The following ZBTB43 variants were observed in gnomAD, a reference collection of about 807,000 sequenced individuals.
ZBTB43 encodes zinc finger and BTB domain containing 43, also known as zinc finger and BTB domain-containing protein 43.
A neutral mutation model predicts 31.1 loss-of-function variants in ZBTB43; 6 were observed. That is an observed-to-expected ratio of 0.19 (90% CI 0.11 to 0.38). The LOEUF is 0.38. ZBTB43 is among the 10% of genes least tolerant of loss of function. ZBTB43 has a pLI of 1.00. For synonymous variants in ZBTB43, 212 were observed against 221.7 expected (o/e 0.96, Z 0.39); for missense variants, 379 against 602.1 (o/e 0.63, Z 3.88).
chr9:126,813,975 TATC>T (rs2032305680), intron 2 of ZBTB43, among the ~76,000 whole-genome samples: 1 of 152,196 alleles, frequency 6.6e-6, no homozygotes, highest in South Asian at 2.1e-4. Flanking sequence ...CCACGTATAT[TATC>T]ATTTTTGTAA....
At position 126,832,983 on chromosome 9, in the gene ZBTB43, C is replaced by T. The variant is rs139882729; in HGVS notation, c.474C>T (p.Gly158=). Residue 158 remains glycine (G), a synonymous_variant, in exon 3 of 3, where the codon GGC becomes GGT. Coordinates refer to ENST00000373464, the MANE Select transcript of ZBTB43 (RefSeq NM_014007.4). ...GCCTGGTAGAGAGCTTTGAGCTGGG[C>T]TCTGGGGGTCATACTGATTTTCCCA... ...YNGLVESFEL[G]SGGHTDFPKA... is the part of the protein sequence containing the mutation. 4.6e-4 allele frequency: 748 copies of T among 1,613,766 alleles called. No individual in the cohort carries two copies. The highest frequency in any genetic ancestry group is 1.5e-3 in the Admixed American group (87 of 59,998).
rs938912291 is a variant in ZBTB43 at position 126,836,256 on chromosome 9, T to G, written c.*2343T>G. The G allele has an allele frequency of 6.0e-6, 1 of 166,958 alleles. No homozygotes were observed. The highest frequency in any genetic ancestry group is 6.6e-5 in the Admixed American group (1 of 15,262). The allele number at this position is 166,958 out of a possible 1,614,324, so 10.3% of individuals were successfully genotyped here. The stretch of plus-strand genomic sequence containing the variant: ...AGCCAAGAGTGGTGGCACGCTTGGG[T>G]GGTAGTTTTGGAAGCAGTCAGTTGT... On this transcript the variant is annotated 3_prime_UTR_variant, in exon 3 of 3. Coordinates refer to ENST00000373464, the MANE Select transcript of ZBTB43 (RefSeq NM_014007.4).
At chr9:126,810,533 G>A (rs868436001) in intron 2 of ZBTB43, among the ~76,000 whole-genome samples, 117 of 116,876 alleles carry the variant, frequency 1.0e-3, no homozygotes, top group African/African-American at 3.5e-3. Context: ...ATGGGGTCTC[G>A]CTCTGTCACA....
At chr9:126,821,347 G>C (rs916679533) in intron 2 of ZBTB43, among the ~76,000 whole-genome samples, 4 of 152,044 alleles carry the variant, frequency 2.6e-5, no homozygotes, top group Non-Finnish European at 5.9e-5. Context: ...CTGCACTCCA[G>C]CCTGGGCAAC....
chr9:126,815,878 A>G (rs906644750), intron 2 of ZBTB43, among the ~76,000 whole-genome samples: 7 of 151,698 alleles, frequency 4.6e-5, no homozygotes, highest in Non-Finnish European at 7.4e-5. Flanking sequence ...TTGATGTCAG[A>G]TATGAGTTTT....
intron 2 of ZBTB43, among the ~76,000 whole-genome samples, chr9:126,829,592 A>G (rs2032723054): frequency 6.6e-6 from 1 of 152,232 alleles, no homozygotes; most frequent in South Asian, 2.1e-4. Context: ...AAGGATGTAT[A>G]TGATTTATTC....
chr9:126,829,709 C>T (rs1316318672), intron 2 of ZBTB43, among the ~76,000 whole-genome samples: 1 of 151,296 alleles, frequency 6.6e-6, no homozygotes, highest in Non-Finnish European at 1.5e-5. Flanking sequence ...TTTTTTTACA[C>T]CTTTCTATAA....
intron 2 of ZBTB43, chr9:126,831,309 C>G (rs917750035): frequency 6.6e-6 from 1 of 152,270 alleles, no homozygotes; most frequent in African/African-American, 2.4e-5. Context: ...CTCACCACAA[C>G]CTGTCAAATA....
At chr9:126,813,050 G>A (rs1259352352) in intron 2 of ZBTB43, among the ~76,000 whole-genome samples, 1 of 150,604 alleles carries the variant, frequency 6.6e-6, no homozygotes, top group African/African-American at 2.5e-5. Flanking sequence ...GCATGATCTC[G>A]GCTCACTGCA....
intron 2 of ZBTB43, among the ~76,000 whole-genome samples, chr9:126,820,574 A>T (rs957869539): frequency 6.6e-6 from 1 of 152,244 alleles, no homozygotes. Context: ...ATGGAGATGT[A>T]CAAGGACATT....
In ZBTB43 at chr9:126,836,337, G is replaced by A. The variant is rs1384073795; in HGVS notation, c.*2424G>A. ...AAGAGTGTCTTCTTGAAAGCCTTAT[G>A]TGTCCATCAGCTACTAAATGTAGAA... is the stretch of plus-strand genomic sequence containing the variant. On this transcript the variant is annotated 3_prime_UTR_variant, in exon 3 of 3. Transcript: ENST00000373464. The A allele has an allele frequency of 6.0e-6, 1 of 166,926 alleles. No homozygotes were observed. The highest frequency in any genetic ancestry group is 2.4e-5 in the African/African-American group (1 of 41,422). 10.3% of individuals were successfully genotyped at this position (166,926 alleles called of 1,614,324 possible). A position where few individuals can be genotyped will look rare whatever the true frequency, so the allele number is the denominator to read the frequency against.
intron 2 of ZBTB43, among the ~76,000 whole-genome samples, chr9:126,823,281 A>G (rs1478976395): frequency 1.3e-5 from 2 of 152,122 alleles, no homozygotes; most frequent in African/African-American, 4.8e-5. Context: ...CATATATTTT[A>G]GAGTTATCTT....
intron 2 of ZBTB43, 68 bp from the exon 3 acceptor site, chr9:126,832,419 A>G (rs1486718420): frequency 7.0e-6 from 10 of 1,423,494 alleles, no homozygotes; most frequent in African/African-American, 4.3e-5. Context: ...TGTCTTAACA[A>G]TGGAGGAGGG....
intron 2 of ZBTB43, among the ~76,000 whole-genome samples, chr9:126,811,419 T>G (rs1395476740): frequency 1.3e-5 from 2 of 152,082 alleles, no homozygotes; most frequent in Non-Finnish European, 2.9e-5. Flanking sequence ...TGGGTTGCTG[T>G]GAAGATTAAG....
In ZBTB43 at chr9:126,834,372, A is replaced by T. The variant is rs1458879915; in HGVS notation, c.*459A>T. On this transcript the variant is annotated 3_prime_UTR_variant, in exon 3 of 3. Coordinates refer to ENST00000373464, the MANE Select transcript of ZBTB43 (RefSeq NM_014007.4). ...TTTCACTGAAGGAAGTGCTACTTATATAAAAGCTAGAAATAATGTGATTCC... is the reference window on the plus strand; with the variant it reads ...TTTCACTGAAGGAAGTGCTACTTATTTAAAAGCTAGAAATAATGTGATTCC... 5.9e-6 allele frequency: 1 copy of T among 168,420 alleles called. No homozygotes were observed. The highest frequency in any genetic ancestry group is 1.4e-5 in the Non-Finnish European group (1 of 69,120). The allele number at this position is 168,420 out of a possible 1,614,324, so 10.4% of individuals were successfully genotyped here.
intron 2 of ZBTB43, among the ~76,000 whole-genome samples, chr9:126,817,098 A>ATT (rs2032402387): frequency 1.2e-5 from 1 of 81,306 alleles, no homozygotes; most frequent in African/African-American, 6.2e-5. Context: ...TTTCCACTGT[A>ATT]TCTTTTTTTT....
At chr9:126,829,478 C>G (rs2032720853) in intron 2 of ZBTB43, among the ~76,000 whole-genome samples, 1 of 152,156 alleles carries the variant, frequency 6.6e-6, no homozygotes, top group Admixed American at 6.6e-5. Context: ...AATGAGTTAG[C>G]TCTTTTTGTG....
chr9:126,819,326 TGCA>T (rs2032461372), intron 2 of ZBTB43, among the ~76,000 whole-genome samples: 1 of 145,858 alleles, frequency 6.9e-6, no homozygotes, highest in South Asian at 2.2e-4. Context: ...GTGGCAACCC[TGCA>T]TTAAGGAAGT....
intron 1 of ZBTB43, among the ~76,000 whole-genome samples, chr9:126,806,086 G>A (rs916508732): frequency 3.3e-5 from 5 of 152,218 alleles, no homozygotes; most frequent in Non-Finnish European, 5.9e-5. Flanking sequence ...TTTCTCGCCT[G>A]TGGTTTCTCA....
Sources: allele counts gnomAD v4.1 joint callset (sites outside exome capture counted in the v4.1 genomes callset), GRCh38; gene constraint gnomAD v4.1.1; transcripts MANE v1.5; gene names NCBI Gene and HGNC (gene_info 2026-07-23, HGNC 2026-07-21).